The following CTC1 variants were observed in gnomAD, a reference collection of about 807,000 sequenced individuals.
CTC1 encodes the protein CST telomere replication complex component 1, also known as CST complex subunit CTC1.
CTC1 carries 91 observed loss-of-function variants against 136.3 expected under a neutral mutation model. The ratio of observed to expected loss-of-function variants is 0.67; its 90% confidence interval spans 0.56 to 0.79. CTC1 has a LOEUF of 0.79. Ranked by LOEUF, CTC1 falls within the 30% of genes least tolerant of loss-of-function variation. The pLI is 0.00. For synonymous variants in CTC1, 606 were observed against 613.8 expected, an observed-to-expected ratio of 0.99 and a Z score of 0.19; for missense variants, 1,432 against 1,498.1, an observed-to-expected ratio of 0.96 and a Z score of 0.73.
intron 1 of CTC1, among the ~76,000 whole-genome samples, chr17:8,245,634 T>C (rs1988612400): frequency 6.6e-6 from 1 of 152,130 alleles, no homozygotes; most frequent in African/African-American, 2.4e-5. Flanking sequence ...CGTGTTTTCA[T>C]CTACTGAGTA....
rs1393281825 is a variant in CTC1, at chr17:8,230,401, G to A, written c.2826C>T (p.Phe942=). Residue 942 remains phenylalanine (F), a synonymous_variant, in exon 17 of 23, where the codon TTC becomes TTT. Transcript: ENST00000651323. ...TVALETAECE[F]PPHLDVYIED... The stretch of plus-strand genomic sequence containing the variant: ...CTATATATACATCCAGGTGAGGGGG[G>A]AATTCACATTCAGCAGTCTCAAGAG... 6.2e-7 allele frequency: 1 copy of A among 1,614,112 alleles called. No homozygotes were observed. Among genetic ancestry groups the A allele is most frequent in the Admixed American group, 1.7e-5 (1 of 60,010 alleles).
rs1437596307 is a variant in CTC1 at position 8,238,174 on chromosome 17, AGGAG to A, written c.500_503del (p.Pro167LeufsTer24). The A allele has an allele frequency of 6.2e-7, 1 of 1,613,900 alleles. No individual in the cohort carries two copies. The highest frequency in any genetic ancestry group is 2.2e-5 in the East Asian group (1 of 44,898). ...CTTCCCCTGAGGAATTCCACCTGGC[AGGAG>A]GGAGGTAACTCCAACGGGGGAACAG... On this transcript the variant is annotated frameshift_variant, in exon 4 of 23. Transcript: ENST00000651323. LOFTEE classifies it high-confidence loss of function.
At chr17:8,239,495 A>G (rs1478487299) in intron 2 of CTC1, among the ~76,000 whole-genome samples, 2 of 151,582 alleles carry the variant, frequency 1.3e-5, no homozygotes, top group Non-Finnish European at 2.9e-5. Context: ...TTTTTGTAAT[A>G]CCATTATTCT....
chr17:8,246,743 C>T (rs933021622), intron 1 of CTC1, among the ~76,000 whole-genome samples: 6 of 151,704 alleles, frequency 4.0e-5, no homozygotes, highest in African/African-American at 1.5e-4. Flanking sequence ...AAAAAAAATA[C>T]AAAAATGAGC....
chr17:8,231,314 T>G lies in CTC1; in HGVS notation c.2631A>C (p.Ser877=). ...DIQDVLDANK[S]LPESSLTDLL... is the part of the protein sequence containing the mutation. ...GGTCGGTCAGTGAGGATTCAGGCAA[T>G]GACTTGTTTGCATCCAGCACATCTT... Residue 877 remains serine, a synonymous_variant, in exon 15 of 23, where the codon TCA becomes TCC. Coordinates refer to ENST00000651323, the MANE Select transcript of CTC1 (RefSeq NM_025099.6). The G allele has an allele frequency of 6.3e-7, 1 of 1,599,254 alleles. No homozygotes were observed.
chr17:8,231,666 T>C (rs1461300308), intron 14 of CTC1, 60 bp downstream of exon 14: 1 of 1,516,794 alleles, frequency 6.6e-7, no homozygotes, highest in Non-Finnish European at 9.2e-7. Context: ...GCATGCCCTC[T>C]TTAGACCCCA....
At position 8,229,139 on chromosome 17, in the gene CTC1, C is replaced by T; in HGVS notation, c.3221+3G>A. 6.2e-7 allele frequency: 1 copy of T among 1,613,602 alleles called. No individual in the cohort carries two copies. The highest frequency in any genetic ancestry group is 8.5e-7 in the Non-Finnish European group (1 of 1,180,000). ...ACAATGGGTGCACGCCTTGTGCTCT[C>T]ACCTGATGATGGCCTGGCTTATAGC... On this transcript the variant is annotated splice_donor_region_variant and intron_variant, in intron 20 of 22. Coordinates refer to ENST00000651323, the MANE Select transcript of CTC1 (RefSeq NM_025099.6).
chr17:8,226,614 G>C lies in CTC1; in HGVS notation c.*1566C>G, dbSNP rs1009861705. ...ATGCTGAAGAAAAAAATATGACGTA[G>C]TCGGCAGGATTCGAACCTGCGCGGG... On this transcript the variant is annotated 3_prime_UTR_variant, in exon 23 of 23. Coordinates refer to ENST00000651323, the MANE Select transcript of CTC1 (RefSeq NM_025099.6). 1.3e-5 allele frequency: 2 copies of C among 151,756 alleles called. No individual in the cohort carries two copies. Among genetic ancestry groups the C allele is most frequent in the Non-Finnish European group, 1.5e-5 (1 of 68,036 alleles). 9.4% of individuals were successfully genotyped at this position (151,756 alleles called of 1,614,324 possible). A position where few individuals can be genotyped will look rare whatever the true frequency, so the allele number is the denominator to read the frequency against.
rs754733136 is a variant in CTC1 at position 8,234,815 on chromosome 17, T to G, written c.1551A>C (p.Pro517=). The change falls in exon 9 of 23, where the codon CCA becomes CCC. Residue 517 remains proline (P), a synonymous_variant. Transcript: ENST00000651323. The part of the protein sequence containing the change: ...LAPTLDLLAP[P]GSPVRNAHNE... Reference sequence around the variant, plus strand: ...TGTGTGCATTCCGAACAGGGCTGCCTGGCGGAGCTAGAAGATCCAGGGTAG... The same window carrying G: ...TGTGTGCATTCCGAACAGGGCTGCCGGGCGGAGCTAGAAGATCCAGGGTAG... 1.2e-6 allele frequency: 2 copies of G among 1,613,046 alleles called. No individual in the cohort carries two copies. Among genetic ancestry groups the G allele is most frequent in the African/African-American group, 2.7e-5 (2 of 74,904 alleles).
rs777269423 is a variant in CTC1, at chr17:8,243,086, C to T, written c.96G>A (p.Lys32=). The change falls in exon 2 of 23, where the codon AAG becomes AAA. Residue 32 remains lysine (K), a synonymous_variant. Coordinates refer to ENST00000651323, the MANE Select transcript of CTC1 (RefSeq NM_025099.6). ...FIQKTLCPAV[K]EPNVQLTPLV... is the part of the protein sequence containing the mutation. ...ATGGAGTCAACTGGACATTAGGCTC[C>T]TTGACAGCTGGACACAGGGTCTTTT... 7 of 1,614,058 alleles carry T rather than the reference C, an allele frequency of 4.3e-6. No homozygotes were observed. In the South Asian group the frequency reaches 4.4e-5, roughly 10 times the overall value.
chr17:8,240,364 C>A (rs1988112169), intron 2 of CTC1, among the ~76,000 whole-genome samples: 1 of 151,366 alleles, frequency 6.6e-6, no homozygotes, highest in South Asian at 2.1e-4. Flanking sequence ...CCATGCTGGC[C>A]AGGCTGGTCT....
intron 2 of CTC1, among the ~76,000 whole-genome samples, chr17:8,239,535 TTTTTTTAGACAGAGTC>T (rs1988038918): frequency 6.6e-6 from 1 of 152,020 alleles, no homozygotes; most frequent in African/African-American, 2.4e-5. Context: ...TTTTTTTTTT[TTTTTTTAGACAGAGTC>T]TCACTCTTTT....
At position 8,235,905 on chromosome 17, in the gene CTC1, G is replaced by A; in HGVS notation, c.1132C>T (p.Gln378Ter). ...TGGTAGGCAAGGCAGAGCCCCAGCT[G>A]CCCATCCAGCTCATAGAGGCCAGCG... ...EPAGLYELDG[Q>*]LGLCLAYQQF... The change falls in exon 7 of 23, where the codon CAG becomes TAG. Residue 378 changes from glutamine (Q) to a stop codon, truncating the protein, a stop_gained. Transcript: ENST00000651323. LOFTEE classifies it high-confidence loss of function. 6.2e-7 allele frequency: 1 copy of A among 1,613,810 alleles called. No individual in the cohort carries two copies. Among genetic ancestry groups the A allele is most frequent in the Non-Finnish European group, 8.5e-7 (1 of 1,179,762 alleles).
chr17:8,226,326 T>C lies in CTC1; in HGVS notation c.*1854A>G, dbSNP rs577097330. On this transcript the variant is annotated 3_prime_UTR_variant, in exon 23 of 23. Coordinates refer to ENST00000651323, the MANE Select transcript of CTC1 (RefSeq NM_025099.6). ...ACGGCGCCGAAGCTGCCATAAAGGT[T>C]CCTGAAATTCATCTACAAGAATATA... is the stretch of plus-strand genomic sequence containing the variant. 6.6e-6 allele frequency: 1 copy of C among 152,276 alleles called. No homozygotes were observed. Among genetic ancestry groups the C allele is most frequent in the South Asian group, 2.1e-4 (1 of 4,818 alleles). The allele number at this position is 152,276 out of a possible 1,614,324, so 9.4% of individuals were successfully genotyped here.
chr17:8,238,018 AG>A lies in CTC1; in HGVS notation c.647+12del, dbSNP rs755954781. On this transcript the variant is annotated intron_variant, in intron 4 of 22. Coordinates refer to ENST00000651323, the MANE Select transcript of CTC1 (RefSeq NM_025099.6). ...TTTACAGCGCCCCTGCCATGCCTAG[AG>A]GGGGAAATTACCTGAGCCTGAGCAG... The A allele has an allele frequency of 1.9e-4, 309 of 1,604,682 alleles. 5 individuals are homozygous for A. The South Asian group carries it at 3.3e-3, about 17-fold the overall frequency.
rs58895309 is a variant in CTC1 at position 8,242,533 on chromosome 17, GAAA to G, written c.197+449_197+451del. ...ACTTTTGGAAATGATAGTGTAGAGA[GAAA>G]AAAAAAAAAAAAAAAAAATATATAT... On this transcript the variant is annotated intron_variant, in intron 2 of 22. Transcript: ENST00000651323. Among the ~76,000 whole-genome samples the G allele has an allele frequency of 0.016, 1,299 of 83,408 alleles. 19 individuals carry two copies. In the East Asian group the frequency reaches 0.16, roughly 10 times the overall value. 54.7% of individuals were successfully genotyped at this position (83,408 alleles called of 152,430 possible).
At chr17:8,238,695 C>G in intron 2 of CTC1, 66 bp from the exon 3 acceptor site, 1 of 1,156,596 alleles carries the variant, frequency 8.6e-7, no homozygotes, top group Non-Finnish European at 1.2e-6. Context: ...AACCCTCAAC[C>G]CTGATAAACC....
At position 8,229,909 on chromosome 17, in the gene CTC1, G is replaced by A. The variant is rs368344044; in HGVS notation, c.2993C>T (p.Pro998Leu). The A allele has an allele frequency of 1.5e-5, 25 of 1,613,936 alleles. No individual in the cohort carries two copies. The highest frequency in any genetic ancestry group is 6.7e-5 in the Admixed American group (4 of 59,992). Reference sequence around the variant, plus strand: ...CACTGACCTGATGGTGGTCTCAGGGGGAAAACTCAGGACCTGCACATAAGT... The same window carrying A: ...CACTGACCTGATGGTGGTCTCAGGGAGAAAACTCAGGACCTGCACATAAGT... ...SSTYVQVLSF[P>L]PETTISIPLP... The change falls in exon 18 of 23, where the codon CCC (proline) becomes CTC (leucine). Residue 998 changes from proline (P) to leucine (L), a missense_variant. By Grantham distance (98) the Pro-to-Leu change is moderately conservative (BLOSUM62 -3). Transcript: ENST00000651323.
chr17:8,228,686 A>C (rs368576599), intron 21 of CTC1, 41 bp downstream of exon 21: 16 of 1,613,968 alleles, frequency 9.9e-6, no homozygotes, highest in African/African-American at 8.0e-5. Flanking sequence ...AAAGCCCAGG[A>C]ATTTGGGTAT....
Sources: allele counts gnomAD v4.1 joint callset (sites outside exome capture counted in the v4.1 genomes callset), GRCh38; gene constraint gnomAD v4.1.1; transcripts MANE v1.5; gene names NCBI Gene and HGNC (gene_info 2026-07-23, HGNC 2026-07-21).